Variants in PATJ observed in about 807,000 individuals in gnomAD.
PATJ encodes the protein inaD-like protein.
A neutral mutation model predicts 224.9 loss-of-function variants in PATJ; 190 were observed. The ratio of observed to expected loss-of-function variants is 0.84; its 90% CI spans 0.75 to 0.95. The LOEUF is 0.95. Ranked by LOEUF, PATJ falls within the 40% of genes least tolerant of loss-of-function variation. The pLI is 0.00. For missense variants in PATJ, 2,121 were observed against 2,270.3 expected (o/e 0.93, Z 1.34); for synonymous variants, 769 against 820.3 (o/e 0.94, Z 1.07).
intron 27 of PATJ, among the ~76,000 whole-genome samples, chr1:61,946,690 A>ATTCCAATCCATAGG (rs1678774791): frequency 6.6e-6 from 1 of 152,192 alleles, no homozygotes; most frequent in Non-Finnish European, 1.5e-5. Context: ...CCATAGAAAA[A>ATTCCAATCCATAGG]GAGGGAATCC....
chr1:61,817,276 G>T (rs1280735457), intron 14 of PATJ, among the ~76,000 whole-genome samples: 2 of 152,212 alleles, frequency 1.3e-5, no homozygotes, highest in Non-Finnish European at 2.9e-5. Flanking sequence ...AGCAACTGAT[G>T]TTTGACCTTA....
chr1:61,885,630 G>A (rs1442217315), intron 22 of PATJ, among the ~76,000 whole-genome samples: 9 of 152,116 alleles, frequency 5.9e-5, no homozygotes. Context: ...GATTCCTCAG[G>A]GATCTAGAAC....
At chr1:61,758,464 T>C (rs1352401956) in intron 1 of PATJ, among the ~76,000 whole-genome samples, 1 of 152,082 alleles carries the variant, frequency 6.6e-6, no homozygotes, top group African/African-American at 2.4e-5. Context: ...TTCTCCTGAC[T>C]CAGCCTCCCG....
chr1:62,123,508 T>C (rs1373603345), intron 39 of PATJ, among the ~76,000 whole-genome samples: 1 of 138,812 alleles, frequency 7.2e-6, no homozygotes. Flanking sequence ...GACAGAGTCT[T>C]GCTCTGTCAC....
chr1:62,033,761 C>T lies in PATJ; in HGVS notation c.3960-4216C>T, dbSNP rs540846177. On this transcript the variant is annotated intron_variant, in intron 29 of 43. Coordinates refer to ENST00000642238, the MANE Select transcript of PATJ (RefSeq NM_001350145.3). The stretch of plus-strand genomic sequence containing the variant: ...TGGAAACAGCTCAGAAAGCATGGGG[C>T]GGTTTCCGTAATTCTGGTTTCTTTT... Among the ~76,000 whole-genome samples, 8 of 152,248 alleles carry T rather than the reference C, an allele frequency of 5.3e-5. 1 individual carries two copies. Among genetic ancestry groups the T allele is most frequent in the East Asian group, 3.9e-4 (2 of 5,174 alleles).
chr1:62,031,934 A>T (rs1570205113), intron 29 of PATJ, among the ~76,000 whole-genome samples: 2 of 152,320 alleles, frequency 1.3e-5, no homozygotes, highest in Non-Finnish European at 2.9e-5. Context: ...GTTTCTAGTT[A>T]TATTTCCGGT....
chr1:62,073,358 C>T (rs1407109688), intron 31 of PATJ: 4 of 982,584 alleles, frequency 4.1e-6, no homozygotes, highest in Middle Eastern at 5.2e-4. Flanking sequence ...CATGGTGGCT[C>T]ATGCTTGTAA....
chr1:62,149,972 G>C (rs973774350), intron 42 of PATJ, among the ~76,000 whole-genome samples: 26 of 152,152 alleles, frequency 1.7e-4, no homozygotes, highest in Non-Finnish European at 7.4e-5. Context: ...CCTGAGTATA[G>C]ATAGGCACAA....
intron 27 of PATJ, among the ~76,000 whole-genome samples, chr1:61,935,407 T>C (rs1676692047): frequency 6.6e-6 from 1 of 152,112 alleles, no homozygotes; most frequent in African/African-American, 2.4e-5. Flanking sequence ...CCACCCTAAT[T>C]TTGTTTTTCC....
chr1:62,111,966 C>T (rs1298219768), intron 34 of PATJ, among the ~76,000 whole-genome samples: 1 of 151,874 alleles, frequency 6.6e-6, no homozygotes, highest in Admixed American at 6.6e-5. Flanking sequence ...AGCCCAAAAC[C>T]CATGTTCTTT....
intron 26 of PATJ, among the ~76,000 whole-genome samples, chr1:61,916,906 G>A (rs911800524): frequency 1.3e-5 from 2 of 152,170 alleles, no homozygotes; most frequent in African/African-American, 4.8e-5. Context: ...TGGGGGAGGT[G>A]AGGCAGAAGA....
At chr1:61,785,536 TC>T (rs1267549694) in intron 7 of PATJ, among the ~76,000 whole-genome samples, 4 of 152,354 alleles carry the variant, frequency 2.6e-5, no homozygotes, top group Admixed American at 2.6e-4. Context: ...TTGAAAGTTG[TC>T]CTTCTCTAAG....
At chr1:61,977,799 C>T (rs113564013) in intron 27 of PATJ, among the ~76,000 whole-genome samples, 2 of 150,740 alleles carry the variant, frequency 1.3e-5, no homozygotes, top group Admixed American at 1.3e-4. Context: ...AGGATCCCTG[C>T]GGCCAGGAGT....
At chr1:61,763,773 C>T (rs1024015796) in intron 3 of PATJ, among the ~76,000 whole-genome samples, 2 of 152,126 alleles carry the variant, frequency 1.3e-5, no homozygotes, top group South Asian at 2.1e-4. Context: ...AATGTTCCCA[C>T]CTCAGCTTCC....
rs182394536 is a variant in PATJ at position 61,796,574 on chromosome 1, C to T, written c.1261-713C>T. Among the ~76,000 whole-genome samples the T allele has an allele frequency of 5.8e-4, 88 of 152,168 alleles. 1 individual carries two copies. The Middle Eastern group carries it at 0.017, about 30-fold the overall frequency. On this transcript the variant is annotated intron_variant, in intron 10 of 43. Coordinates refer to ENST00000642238, the MANE Select transcript of PATJ (RefSeq NM_001350145.3). ...TAGTTAAGTGACAAATTTGAATTTG[C>T]TTTCTAGTGTGTGAGGAAGTTTCTC...
At chr1:61,859,958 A>G (rs1201270797) in intron 18 of PATJ, among the ~76,000 whole-genome samples, 1 of 152,110 alleles carries the variant, frequency 6.6e-6, no homozygotes, top group African/African-American at 2.4e-5. Flanking sequence ...CTCAATCCAC[A>G]GTGCAAGTGG....
chr1:61,895,373 AG>A (rs1670210455), intron 22 of PATJ, among the ~76,000 whole-genome samples: 2 of 152,224 alleles, frequency 1.3e-5, no homozygotes, highest in African/African-American at 4.8e-5. Context: ...ACAGTCCCAG[AG>A]GCCTAGGAGT....
intron 13 of PATJ, among the ~76,000 whole-genome samples, chr1:61,807,807 A>G (rs1468774523): frequency 1.3e-5 from 2 of 152,250 alleles, no homozygotes; most frequent in Non-Finnish European, 2.9e-5. Context: ...CAGATGCATC[A>G]TATTTTATTA....
chr1:61,983,049 G>A (rs1319990785), intron 27 of PATJ, among the ~76,000 whole-genome samples: 3 of 151,836 alleles, frequency 2.0e-5, no homozygotes, highest in East Asian at 1.9e-4. Flanking sequence ...TTATCAAATG[G>A]AGTCTGAAAT....
Sources: allele counts gnomAD v4.1 joint callset (sites outside exome capture counted in the v4.1 genomes callset), GRCh38; gene constraint gnomAD v4.1.1; transcripts MANE v1.5; gene names NCBI Gene and HGNC (gene_info 2026-07-23, HGNC 2026-07-21).